Variants in CACNB2 observed in about 807,000 individuals in gnomAD.
CACNB2 encodes voltage-dependent L-type calcium channel subunit beta-2.
CACNB2 carries 42 observed loss-of-function variants against 73.3 expected under a neutral mutation model. The observed-to-expected ratio is 0.57, with a 90% CI of 0.45 to 0.74. CACNB2 has a LOEUF of 0.74. CACNB2 is among the 30% of genes least tolerant of loss of function. CACNB2 has a pLI of 0.00. For missense variants in CACNB2, 940 were observed against 853.0 expected (o/e 1.10, Z -1.27); for synonymous variants, 348 against 310.3 (o/e 1.12, Z -1.28).
intron 2 of CACNB2, among the ~76,000 whole-genome samples, chr10:18,184,907 A>T (rs1454225706): frequency 1.3e-5 from 2 of 151,916 alleles, no homozygotes; most frequent in Non-Finnish European, 2.9e-5. Context: ...TGGCCTGATG[A>T]TGGCTCATTG....
intron 2 of CACNB2, among the ~76,000 whole-genome samples, chr10:18,268,166 G>C (rs767686088): frequency 2.6e-5 from 4 of 152,198 alleles, no homozygotes; most frequent in Admixed American, 6.5e-5. Context: ...CTCTTGTAAA[G>C]CGTATTGAAT....
At chr10:18,177,133 G>A (rs868198062) in intron 2 of CACNB2, among the ~76,000 whole-genome samples, 16 of 152,230 alleles carry the variant, frequency 1.1e-4, no homozygotes, top group African/African-American at 3.4e-4. Flanking sequence ...GTGCCTGTTA[G>A]AGTCCTACAG....
chr10:18,533,489 A>G (rs1215082186), intron 10 of CACNB2, among the ~76,000 whole-genome samples: 2 of 152,220 alleles, frequency 1.3e-5, no homozygotes, highest in Non-Finnish European at 2.9e-5. Context: ...AGATTTCTGT[A>G]GTGCTGCCTC....
chr10:18,475,281 T>C (rs1285666599), intron 3 of CACNB2, among the ~76,000 whole-genome samples: 2 of 152,014 alleles, frequency 1.3e-5, no homozygotes, highest in African/African-American at 4.8e-5. Context: ...CACTGGCGAT[T>C]AAGTCAGTCT....
chr10:18,225,339 A>C (rs1210235936), intron 2 of CACNB2, among the ~76,000 whole-genome samples: 1 of 152,036 alleles, frequency 6.6e-6, no homozygotes, highest in African/African-American at 2.4e-5. Context: ...ACTTGATGCA[A>C]ACTTTTCGTA....
intron 2 of CACNB2, among the ~76,000 whole-genome samples, chr10:18,184,361 T>C (rs945239584): frequency 6.6e-6 from 1 of 152,208 alleles, no homozygotes; most frequent in Admixed American, 6.6e-5. Context: ...CTTTTTACTT[T>C]ATGACAAGTT....
chr10:18,432,835 AAAACAAAC>A (rs71402166), intron 3 of CACNB2, among the ~76,000 whole-genome samples: 46,865 of 150,786 alleles, frequency 0.31, 8,304 homozygotes, highest in East Asian at 0.59. Flanking sequence ...CCTGTCTAAA[AAAACAAAC>A]AAACAAACAA....
chr10:18,474,805 C>T (rs1226668637), intron 3 of CACNB2, among the ~76,000 whole-genome samples: 2 of 152,062 alleles, frequency 1.3e-5, no homozygotes, highest in African/African-American at 2.4e-5. Context: ...CTCCAGTTCT[C>T]TGCAGATGCT....
chr10:18,163,083 T>C (rs1019564841), intron 2 of CACNB2, among the ~76,000 whole-genome samples: 1 of 152,136 alleles, frequency 6.6e-6, no homozygotes, highest in African/African-American at 2.4e-5. Flanking sequence ...ATGAAAGGCT[T>C]ACAGCATACA....
At chr10:18,247,620 A>G (rs964224014) in intron 2 of CACNB2, among the ~76,000 whole-genome samples, 1 of 152,186 alleles carries the variant, frequency 6.6e-6, no homozygotes, top group Non-Finnish European at 1.5e-5. Context: ...AACTTTGTCT[A>G]AGTCCATTCA....
intron 3 of CACNB2, among the ~76,000 whole-genome samples, chr10:18,407,202 A>G (rs1054884393): frequency 3.0e-5 from 4 of 135,286 alleles, no homozygotes; most frequent in Non-Finnish European, 4.5e-5. Context: ...AGCTCAGTGC[A>G]ACTCCACCTC....
intron 5 of CACNB2, among the ~76,000 whole-genome samples, chr10:18,502,723 AAC>A (rs1491393820): frequency 1.5e-5 from 2 of 130,054 alleles, no homozygotes; most frequent in East Asian, 2.4e-4. Context: ...AAAAAAAAAA[AAC>A]CGCATGTTTT....
intron 2 of CACNB2, among the ~76,000 whole-genome samples, chr10:18,216,061 C>G (rs981384628): frequency 5.9e-5 from 9 of 151,702 alleles, no homozygotes; most frequent in African/African-American, 2.2e-4. Flanking sequence ...TTTGAGAGGC[C>G]GAGGCGGGTG....
chr10:18,152,814 G>A (rs1187530249), intron 2 of CACNB2, among the ~76,000 whole-genome samples: 3 of 149,804 alleles, frequency 2.0e-5, no homozygotes, highest in Non-Finnish European at 4.4e-5. Context: ...TGTTGAAATT[G>A]CACGGAAAGA....
At chr10:18,187,178 A>G (rs185640386) in intron 2 of CACNB2, among the ~76,000 whole-genome samples, 5 of 152,290 alleles carry the variant, frequency 3.3e-5, no homozygotes, top group South Asian at 2.1e-4. Flanking sequence ...AAGATGGGTC[A>G]GGAGGAAGGC....
chr10:18,481,347 A>G (rs1011641260), intron 3 of CACNB2, among the ~76,000 whole-genome samples: 10 of 138,510 alleles, frequency 7.2e-5, no homozygotes, highest in African/African-American at 2.7e-4. Flanking sequence ...CCTGGCTTCA[A>G]GTGATTCTTT....
chr10:18,355,598 A>T (rs1016845176), intron 2 of CACNB2, among the ~76,000 whole-genome samples: 1 of 151,076 alleles, frequency 6.6e-6, no homozygotes, highest in Admixed American at 6.6e-5. Flanking sequence ...AGCCCAGCTG[A>T]TTAGGCTCTG....
intron 3 of CACNB2, among the ~76,000 whole-genome samples, chr10:18,498,129 G>C (rs2049948402): frequency 6.6e-6 from 1 of 152,188 alleles, no homozygotes; most frequent in Non-Finnish European, 1.5e-5. Context: ...CTTTCAAAGA[G>C]AACAATGGCC....
At chr10:18,269,409 A>G (rs1339798487) in intron 2 of CACNB2, among the ~76,000 whole-genome samples, 3 of 152,106 alleles carry the variant, frequency 2.0e-5, no homozygotes, top group Non-Finnish European at 4.4e-5. Flanking sequence ...TAATCTACAT[A>G]TGATATATTC....
Sources: gnomAD v4.1 joint callset for allele counts (sites outside exome capture counted in the v4.1 genomes callset) on GRCh38, gnomAD v4.1.1 for gene constraint, MANE v1.5 for transcripts, NCBI Gene and HGNC (gene_info 2026-07-23, HGNC 2026-07-21) for gene names.